C8orf34: variants seen among roughly 807,000 people sequenced by gnomAD.
C8orf34 encodes the protein chromosome 8 open reading frame 34.
C8orf34 carries 65 observed loss-of-function variants against 68.3 expected under a neutral mutation model. The observed-to-expected ratio is 0.95, with a 90% CI of 0.78 to 1.17. C8orf34 has a LOEUF of 1.17. Ranked by LOEUF, C8orf34 falls within the 50% of genes most tolerant of loss-of-function variation. C8orf34 has a pLI of 0.00. For missense variants in C8orf34, 664 were observed against 655.4 expected (o/e 1.01, Z -0.14); for synonymous variants, 244 against 241.2 (o/e 1.01, Z -0.11).
chr8:68,757,187 A>G (rs1025781163), intron 10 of C8orf34, among the ~76,000 whole-genome samples: 1 of 152,164 alleles, frequency 6.6e-6, no homozygotes, highest in Non-Finnish European at 1.5e-5. Context: ...CTTCAAGCCA[A>G]CTTTCAAAAT....
chr8:68,345,651 A>G (rs969848315), intron 1 of C8orf34, among the ~76,000 whole-genome samples: 10 of 152,014 alleles, frequency 6.6e-5, no homozygotes, highest in Non-Finnish European at 1.5e-4. Context: ...ACAGAAAGGA[A>G]TTGAATAACC....
intron 12 of C8orf34, among the ~76,000 whole-genome samples, chr8:68,813,244 T>C (rs1824708103): frequency 6.6e-6 from 1 of 152,210 alleles, no homozygotes; most frequent in Non-Finnish European, 1.5e-5. Context: ...GGGCTATCCC[T>C]AGTATAGGGG....
intron 8 of C8orf34, among the ~76,000 whole-genome samples, chr8:68,696,031 G>T (rs1357266024): frequency 6.6e-6 from 1 of 151,798 alleles, no homozygotes; most frequent in African/African-American, 2.4e-5. Context: ...GCTGGGCCTG[G>T]TGGCTCACGC....
intron 7 of C8orf34, among the ~76,000 whole-genome samples, chr8:68,582,071 A>G (rs1487861569): frequency 6.6e-6 from 1 of 152,166 alleles, no homozygotes; most frequent in African/African-American, 2.4e-5. Context: ...TGGCACTCCT[A>G]TAACAAAAGT....
chr8:68,490,731 G>A (rs1813276086), intron 5 of C8orf34, among the ~76,000 whole-genome samples: 2 of 151,726 alleles, frequency 1.3e-5, no homozygotes, highest in Non-Finnish European at 1.5e-5. Context: ...CCCCACTTTT[G>A]CATCTGATTT....
intron 7 of C8orf34, chr8:68,625,328 C>A: frequency 2.6e-6 from 1 of 389,658 alleles, no homozygotes; most frequent in Non-Finnish European, 4.6e-6. Flanking sequence ...TTTAAGTTTT[C>A]TCTTATCACC....
chr8:68,555,425 T>C (rs935444991), intron 7 of C8orf34, among the ~76,000 whole-genome samples: 2 of 152,098 alleles, frequency 1.3e-5, no homozygotes, highest in African/African-American at 4.8e-5. Context: ...CCTGGTGAGA[T>C]TCATGCATTC....
intron 12 of C8orf34, among the ~76,000 whole-genome samples, chr8:68,798,382 G>A (rs1585900927): frequency 6.7e-6 from 1 of 150,324 alleles, no homozygotes; most frequent in African/African-American, 2.5e-5. Flanking sequence ...CTGCAGCCTG[G>A]ACCTTCCCAG....
chr8:68,678,598 A>G (rs1315048579), intron 8 of C8orf34, among the ~76,000 whole-genome samples: 2 of 152,186 alleles, frequency 1.3e-5, no homozygotes, highest in Non-Finnish European at 2.9e-5. Context: ...TACCTCAACT[A>G]AACAAAAGCC....
chr8:68,577,355 G>T (rs937353711), intron 7 of C8orf34, among the ~76,000 whole-genome samples: 14 of 151,952 alleles, frequency 9.2e-5, no homozygotes, highest in Admixed American at 1.3e-4. Flanking sequence ...AAGGGAGAGA[G>T]AGGAATTATC....
intron 8 of C8orf34, among the ~76,000 whole-genome samples, chr8:68,660,437 G>T (rs1819637464): frequency 6.6e-6 from 1 of 152,160 alleles, no homozygotes; most frequent in Admixed American, 6.5e-5. Flanking sequence ...TTAACAGGGG[G>T]TCTGGAGGGT....
chr8:68,791,684 A>G (rs1433661723), intron 12 of C8orf34: 2 of 152,224 alleles, frequency 1.3e-5, no homozygotes, highest in Admixed American at 1.3e-4. Context: ...CTGTCATAAA[A>G]CATTAAGACT....
At chr8:68,729,979 T>G (rs1175547447) in intron 10 of C8orf34, among the ~76,000 whole-genome samples, 1 of 152,142 alleles carries the variant, frequency 6.6e-6, no homozygotes, top group Non-Finnish European at 1.5e-5. Context: ...GCTTGTGATT[T>G]TATGTAAATT....
intron 7 of C8orf34, among the ~76,000 whole-genome samples, chr8:68,622,154 G>A (rs2130640732): frequency 6.6e-6 from 1 of 152,340 alleles, no homozygotes; most frequent in Admixed American, 6.5e-5. Flanking sequence ...GTTCCTTGTG[G>A]TGTGGCCTCC....
At chr8:68,505,190 C>T (rs1813953721) in intron 5 of C8orf34, among the ~76,000 whole-genome samples, 1 of 152,058 alleles carries the variant, frequency 6.6e-6, no homozygotes, top group African/African-American at 2.4e-5. Context: ...TCTTGGCCAT[C>T]ATTTGTTATG....
At chr8:68,397,738 A>G (rs1024683901) in intron 1 of C8orf34, among the ~76,000 whole-genome samples, 4 of 152,002 alleles carry the variant, frequency 2.6e-5, no homozygotes, top group Non-Finnish European at 2.9e-5. Context: ...CATGAAAGCC[A>G]TTCCTTTTGT....
intron 1 of C8orf34, chr8:68,438,790 T>C (rs1032459940): frequency 1.3e-5 from 2 of 152,022 alleles, no homozygotes; most frequent in Non-Finnish European, 2.9e-5. Context: ...AAAAAAAATA[T>C]GTAGATATTA....
At chr8:68,462,628 T>A (rs1397453927) in intron 3 of C8orf34, among the ~76,000 whole-genome samples, 1 of 151,772 alleles carries the variant, frequency 6.6e-6, no homozygotes, top group African/African-American at 2.4e-5. Flanking sequence ...GAACTCAGGA[T>A]TAAGAAACTC....
In C8orf34 at chr8:68,702,325, T is replaced by G. The variant is rs533043598; in HGVS notation, c.1242-6669T>G. Among the ~76,000 whole-genome samples the G allele has an allele frequency of 7.6e-4, 116 of 152,240 alleles. 2 individuals carry two copies. Among genetic ancestry groups the G allele is most frequent in the African/African-American group, 2.8e-3 (115 of 41,550 alleles). On this transcript the variant is annotated intron_variant, in intron 8 of 13. Coordinates refer to ENST00000518698, the MANE Select transcript of C8orf34 (RefSeq NM_052958.4). ...ACCAATCCAAAGATGAATATTATGT[T>G]TTTAGTAGTGCATTTACCCTATGAG... is the stretch of plus-strand genomic sequence containing the variant.
Sources: allele counts gnomAD v4.1 joint callset (sites outside exome capture counted in the v4.1 genomes callset), GRCh38; gene constraint gnomAD v4.1.1; transcripts MANE v1.5; gene names NCBI Gene and HGNC (gene_info 2026-07-23, HGNC 2026-07-21).